Variants in PLCB4 observed in about 807,000 individuals in gnomAD.
The protein encoded by PLCB4 is phospholipase C beta 4.
In PLCB4, 77 loss-of-function variants were observed where a neutral mutation model predicts 178.8. That is an observed-to-expected ratio of 0.43 (90% CI 0.36 to 0.52). PLCB4 has a LOEUF of 0.52. PLCB4 is among the 20% of genes least tolerant of loss of function. The pLI, the probability that PLCB4 is intolerant of heterozygous loss-of-function variation, is 0.00. For missense variants in PLCB4, 1,024 were observed against 1,453.4 expected (o/e 0.70, Z 4.80); for synonymous variants, 496 against 490.8 (o/e 1.01, Z -0.14).
rs201180497 is a variant in PLCB4 at position 9,476,748 on chromosome 20, C to T, written c.3527C>T (p.Thr1176Met). The T allele has an allele frequency of 7.6e-5, 123 of 1,608,414 alleles. No homozygotes were observed. The highest frequency in any genetic ancestry group is 4.2e-4 in the Admixed American group (25 of 59,970). Reference sequence around the variant, plus strand: ...AAATCCTGTCATGCAGTGTCCCAAACGCAAGGTAGGACCGAAACTCTGATA... The same window carrying T: ...AAATCCTGTCATGCAGTGTCCCAAATGCAAGGTAGGACCGAAACTCTGATA... The part of the protein sequence containing the change: ...LLKSCHAVSQ[T>M]QGEGDAADGE... The change falls in exon 39 of 40, where the codon ACG becomes ATG. Residue 1176 changes from threonine (T) to methionine (M), a missense_variant. By Grantham distance (81) the Thr-to-Met change is moderately conservative (BLOSUM62 -1). Around this residue, in one of 7 missense-constraint regions of PLCB4, gnomAD observed 264 missense variants for 283.2 expected, o/e 0.93. Coordinates refer to ENST00000378473, the MANE Select transcript of PLCB4 (RefSeq NM_001377142.1).
In PLCB4 at chr20:9,473,338, A is replaced by G. The variant is rs2044317232; in HGVS notation, c.3468A>G (p.Leu1156=). The G allele has an allele frequency of 6.3e-7, 1 of 1,597,736 alleles. No homozygotes were observed. Among genetic ancestry groups the G allele is most frequent in the East Asian group, 2.3e-5 (1 of 44,398 alleles). The part of the protein sequence containing the change: ...DQLKKVQLEH[L]EFLEKQNEQL... Reference sequence around the variant, plus strand: ...TGAAAAAAGTCCAGCTTGAACATCTAGAATTCCTAGAGAAACAGAATGAGC... The same window carrying G: ...TGAAAAAAGTCCAGCTTGAACATCTGGAATTCCTAGAGAAACAGAATGAGC... The change falls in exon 38 of 40, where the codon CTA becomes CTG. Residue 1156 remains leucine, a synonymous_variant. Coordinates refer to ENST00000378473, the MANE Select transcript of PLCB4 (RefSeq NM_001377142.1).
intron 2 of PLCB4, among the ~76,000 whole-genome samples, chr20:9,154,953 T>C: frequency 7.0e-6 from 1 of 142,686 alleles, no homozygotes; most frequent in Non-Finnish European, 1.5e-5. Flanking sequence ...CCTTCCTTCC[T>C]TCCTTCCTTC....
chr20:9,117,406 G>A (rs928959789), intron 2 of PLCB4, among the ~76,000 whole-genome samples: 6 of 152,156 alleles, frequency 3.9e-5, no homozygotes, highest in African/African-American at 7.2e-5. Flanking sequence ...GCATGTGAGA[G>A]CATCAGTTCA....
At chr20:9,299,526 C>A (rs2094680024) in intron 3 of PLCB4, among the ~76,000 whole-genome samples, 3 of 151,722 alleles carry the variant, frequency 2.0e-5, no homozygotes, top group Admixed American at 1.3e-4. Context: ...AATTTTATAG[C>A]CTGTGGTTAT....
chr20:9,325,153 CG>C (rs1310127775), intron 4 of PLCB4, among the ~76,000 whole-genome samples: 1 of 152,114 alleles, frequency 6.6e-6, no homozygotes, highest in African/African-American at 2.4e-5. Flanking sequence ...CAGTTTGCGG[CG>C]GTGTTTCCGG....
At chr20:9,110,819 A>AT (rs1406468366) in intron 2 of PLCB4, among the ~76,000 whole-genome samples, 13 of 152,038 alleles carry the variant, frequency 8.6e-5, no homozygotes, top group East Asian at 5.8e-4. Context: ...AAAATACTGT[A>AT]TTTTTTTTCA....
chr20:9,165,054 C>T (rs2092946892), intron 2 of PLCB4, among the ~76,000 whole-genome samples: 1 of 152,082 alleles, frequency 6.6e-6, no homozygotes, highest in African/African-American at 2.4e-5. Flanking sequence ...CTTGGGTGCC[C>T]ACTCTGTATG....
chr20:9,427,291 A>G (rs1257361099), intron 28 of PLCB4, among the ~76,000 whole-genome samples: 4 of 152,116 alleles, frequency 2.6e-5, no homozygotes, highest in African/African-American at 9.7e-5. Flanking sequence ...AGTGATGGCT[A>G]CCATGAGTTC....
At chr20:9,276,399 C>T (rs955959637) in intron 3 of PLCB4, among the ~76,000 whole-genome samples, 2 of 151,992 alleles carry the variant, frequency 1.3e-5, no homozygotes, top group Non-Finnish European at 2.9e-5. Context: ...GTGTGGGGGC[C>T]TGAGAAGAGG....
At chr20:9,118,428 AAG>A in intron 2 of PLCB4, among the ~76,000 whole-genome samples, 1 of 152,188 alleles carries the variant, frequency 6.6e-6, no homozygotes, top group Non-Finnish European at 1.5e-5. Flanking sequence ...GTTAAAAAAA[AAG>A]AAAAAGGACA....
chr20:9,438,199 T>C (rs1472704917), intron 30 of PLCB4, among the ~76,000 whole-genome samples: 1 of 151,944 alleles, frequency 6.6e-6, no homozygotes, highest in East Asian at 1.9e-4. Flanking sequence ...ACCCCGTCTC[T>C]ACTAAAAATA....
intron 2 of PLCB4, among the ~76,000 whole-genome samples, chr20:9,185,486 A>T (rs191611205): frequency 1.2e-3 from 179 of 152,210 alleles, no homozygotes; most frequent in African/African-American, 4.2e-3. Context: ...TCCTGGCCTG[A>T]GCCAGGTTCT....
chr20:9,298,946 T>C (rs2094672214), intron 3 of PLCB4, among the ~76,000 whole-genome samples: 1 of 152,108 alleles, frequency 6.6e-6, no homozygotes, highest in Non-Finnish European at 1.5e-5. Context: ...CATAGATTTC[T>C]TGTAGCCCAG....
intron 3 of PLCB4, among the ~76,000 whole-genome samples, chr20:9,278,389 G>GTGTA (rs571617081): frequency 6.6e-5 from 10 of 152,016 alleles, no homozygotes; most frequent in Non-Finnish European, 1.5e-4. Context: ...GCATATAAGA[G>GTGTA]TGTACATTGC....
intron 7 of PLCB4, among the ~76,000 whole-genome samples, chr20:9,348,571 G>T (rs748389524): frequency 1.3e-5 from 2 of 152,054 alleles, no homozygotes; most frequent in Non-Finnish European, 2.9e-5. Context: ...TTGTCCATGG[G>T]GCGAGCTCTG....
At chr20:9,099,463 T>C (rs2146620106) in intron 2 of PLCB4, among the ~76,000 whole-genome samples, 1 of 152,316 alleles carries the variant, frequency 6.6e-6, no homozygotes, top group African/African-American at 2.4e-5. Flanking sequence ...TAACCACATA[T>C]AGTTATTTTA....
intron 12 of PLCB4, 58 bp from the exon 13 acceptor site, chr20:9,379,996 G>A: frequency 1.2e-6 from 1 of 820,090 alleles, no homozygotes; most frequent in Non-Finnish European, 2.1e-6. Context: ...ACTTAGTAAT[G>A]TCTAATGCCT....
intron 25 of PLCB4, among the ~76,000 whole-genome samples, chr20:9,415,611 C>T (rs1167799162): frequency 6.6e-6 from 1 of 152,218 alleles, no homozygotes; most frequent in Non-Finnish European, 1.5e-5. Flanking sequence ...CCTGTCTTGG[C>T]ATTGGCTTTG....
At chr20:9,263,600 C>A (rs901904294) in intron 3 of PLCB4, among the ~76,000 whole-genome samples, 6 of 152,148 alleles carry the variant, frequency 3.9e-5, no homozygotes, top group Admixed American at 3.9e-4. Flanking sequence ...GAATTAGGAA[C>A]CAACACAGAC....
Sources: allele counts gnomAD v4.1 joint callset (sites outside exome capture counted in the v4.1 genomes callset), GRCh38; gene constraint gnomAD v4.1.1; regional missense constraint gnomAD v4.1.1; transcripts MANE v1.5; gene names NCBI Gene and HGNC (gene_info 2026-07-23, HGNC 2026-07-21).